CAMK2D: variants seen among roughly 807,000 people sequenced by gnomAD.
CAMK2D encodes calcium/calmodulin dependent protein kinase II delta, also known as calcium/calmodulin-dependent protein kinase type II subunit delta.
CAMK2D carries 37 observed loss-of-function variants against 84.0 expected under a neutral mutation model. That is an observed-to-expected ratio of 0.44 (90% confidence interval 0.34 to 0.58). The LOEUF (loss-of-function observed/expected upper bound fraction) is 0.58. Ranked by LOEUF, CAMK2D falls within the 20% of genes least tolerant of loss-of-function variation. CAMK2D has a pLI of 0.02. For synonymous variants in CAMK2D, 202 were observed against 212.5 expected (o/e 0.95, Z 0.43); for missense variants, 448 against 652.5 (o/e 0.69, Z 3.41).
rs767976025 is a variant in CAMK2D at position 113,648,172 on chromosome 4, A to G, written c.220+13541T>C. ...ATTATTATTGTAAAAAGAAGCCTAT[A>G]CTGCATTTTTGTACATCTCAAAATA... On this transcript the variant is annotated intron_variant, in intron 3 of 20. Transcript: ENST00000511664. 5.4e-4 allele frequency among the ~76,000 whole-genome samples: 82 copies of G among 152,350 alleles called. No individual in the cohort carries two copies. The Middle Eastern group carries it at 0.014, about 25-fold the overall frequency.
At chr4:113,679,382 G>A (rs999042864) in intron 2 of CAMK2D, 10 of 711,804 alleles carry the variant, frequency 1.4e-5, no homozygotes, top group East Asian at 1.3e-4. Flanking sequence ...TAACACATGC[G>A]GTTGTTTTTT....
chr4:113,523,772 G>GAAAC (rs574996582), intron 8 of CAMK2D, among the ~76,000 whole-genome samples: 4 of 151,024 alleles, frequency 2.6e-5, no homozygotes, highest in Non-Finnish European at 5.9e-5. Flanking sequence ...ACCCTGTCTC[G>GAAAC]AAATAAATAA....
intron 4 of CAMK2D, among the ~76,000 whole-genome samples, chr4:113,587,029 A>G (rs1371495784): frequency 6.6e-6 from 1 of 152,216 alleles, no homozygotes; most frequent in African/African-American, 2.4e-5. Context: ...AAGTTCTGCT[A>G]AAGAGTAAAT....
intron 17 of CAMK2D, among the ~76,000 whole-genome samples, chr4:113,462,048 C>G (rs1419818033): frequency 3.3e-5 from 5 of 152,172 alleles, no homozygotes; most frequent in Non-Finnish European, 7.3e-5. Context: ...TATATAGTCT[C>G]TTTCTAAGAA....
chr4:113,543,355 T>C (rs1428044301), intron 6 of CAMK2D, among the ~76,000 whole-genome samples: 2 of 151,474 alleles, frequency 1.3e-5, no homozygotes, highest in Non-Finnish European at 2.9e-5. Flanking sequence ...ACATCATCAA[T>C]ATGCTTTTCA....
chr4:113,693,517 G>A (rs377340277), intron 2 of CAMK2D, among the ~76,000 whole-genome samples: 2 of 152,108 alleles, frequency 1.3e-5, no homozygotes, highest in African/African-American at 2.4e-5. Context: ...ATCAAGTAAA[G>A]GCAGCAAGTG....
At chr4:113,715,302 A>T (rs2099510046) in intron 2 of CAMK2D, among the ~76,000 whole-genome samples, 1 of 152,078 alleles carries the variant, frequency 6.6e-6, no homozygotes, top group African/African-American at 2.4e-5. Context: ...AAACCTTTTA[A>T]CAGTGAGCAT....
intron 16 of CAMK2D, among the ~76,000 whole-genome samples, chr4:113,483,004 T>C (rs910544187): frequency 2.6e-5 from 4 of 152,238 alleles, no homozygotes; most frequent in African/African-American, 9.6e-5. Flanking sequence ...GTTACGCTAT[T>C]CCATTTTAAA....
At chr4:113,719,493 C>G (rs375548966) in intron 2 of CAMK2D, among the ~76,000 whole-genome samples, 1 of 152,176 alleles carries the variant, frequency 6.6e-6, no homozygotes, top group Admixed American at 6.6e-5. Context: ...CTACTCAATT[C>G]GTGAATTGCT....
intron 16 of CAMK2D, among the ~76,000 whole-genome samples, chr4:113,469,381 A>G (rs1381586715): frequency 6.6e-6 from 1 of 152,118 alleles, no homozygotes; most frequent in Non-Finnish European, 1.5e-5. Context: ...CTCTCCTTTT[A>G]CTTAACTCTC....
intron 3 of CAMK2D, among the ~76,000 whole-genome samples, chr4:113,655,499 C>A (rs1015480264): frequency 6.6e-6 from 1 of 152,018 alleles, no homozygotes; most frequent in Admixed American, 6.6e-5. Context: ...TGCTGAAGTT[C>A]ATTAAGCCAT....
intron 2 of CAMK2D, among the ~76,000 whole-genome samples, chr4:113,719,188 AT>A (rs2099522762): frequency 6.6e-6 from 1 of 152,276 alleles, no homozygotes; most frequent in East Asian, 1.9e-4. Flanking sequence ...GAAGCCATTG[AT>A]TTGGACTGAG....
chr4:113,491,988 T>C (rs1274350497), intron 16 of CAMK2D, among the ~76,000 whole-genome samples: 2 of 152,212 alleles, frequency 1.3e-5, no homozygotes, highest in African/African-American at 4.8e-5. Context: ...GGTGGTGATA[T>C]CCCCTTTATC....
chr4:113,494,038 C>T (rs1253737517), intron 16 of CAMK2D, among the ~76,000 whole-genome samples: 1 of 151,700 alleles, frequency 6.6e-6, no homozygotes, highest in African/African-American at 2.4e-5. Context: ...CTAGTTATAC[C>T]TTCTTCTAAA....
chr4:113,642,958 A>G (rs2099138282), intron 3 of CAMK2D, among the ~76,000 whole-genome samples: 1 of 152,192 alleles, frequency 6.6e-6, no homozygotes, highest in South Asian at 2.1e-4. Context: ...CTATATCTAT[A>G]AAATAAAAGA....
chr4:113,642,892 ATAAGAGTTT>A (rs2099138038), intron 3 of CAMK2D, among the ~76,000 whole-genome samples: 1 of 152,144 alleles, frequency 6.6e-6, no homozygotes, highest in African/African-American at 2.4e-5. Flanking sequence ...TATGGTTGCA[ATAAGAGTTT>A]GGGCAGGGTC....
At chr4:113,666,997 C>A (rs891941860) in intron 2 of CAMK2D, among the ~76,000 whole-genome samples, 1 of 152,150 alleles carries the variant, frequency 6.6e-6, no homozygotes, top group African/African-American at 2.4e-5. Flanking sequence ...TACAGCCAAC[C>A]CAACTCGATT....
rs752812570 is a variant in CAMK2D, at chr4:113,513,322, A to G, written c.946+6T>C. The stretch of plus-strand genomic sequence containing the variant: ...GGATAAGAAGCAGAGTTCCCAATGC[A>G]TGTACCTGAGAAATTCCTTGTAGCC... On this transcript the variant is annotated splice_donor_region_variant and intron_variant, in intron 12 of 20. Coordinates refer to ENST00000511664, the MANE Select transcript of CAMK2D (RefSeq NM_001321571.2). The G allele has an allele frequency of 2.5e-6, 4 of 1,613,490 alleles. No individual in the cohort carries two copies. The highest frequency in any genetic ancestry group is 2.7e-5 in the African/African-American group (2 of 75,056).
chr4:113,707,108 G>A (rs950270677), intron 2 of CAMK2D, among the ~76,000 whole-genome samples: 4 of 152,048 alleles, frequency 2.6e-5, no homozygotes, highest in Non-Finnish European at 5.9e-5. Context: ...ATATGATAGC[G>A]AGCCACCATT....
Sources: gnomAD v4.1 joint callset for allele counts (sites outside exome capture counted in the v4.1 genomes callset) on GRCh38, gnomAD v4.1.1 for gene constraint, MANE v1.5 for transcripts, NCBI Gene and HGNC (gene_info 2026-07-23, HGNC 2026-07-21) for gene names.